The following ENTREP2 variants were observed in gnomAD, a reference collection of about 807,000 sequenced individuals.
ENTREP2 encodes endosomal transmembrane epsin interactor 2.
the ENTREP2 span, among the ~76,000 whole-genome samples, chr15:29,420,140 G>A: frequency 6.6e-6 from 1 of 152,194 alleles, no homozygotes; most frequent in Admixed American, 6.5e-5. Flanking sequence ...AAAAGATTCA[G>A]GCACGAGTCT....
chr15:29,511,460 C>G, the ENTREP2 span, among the ~76,000 whole-genome samples: 1 of 151,920 alleles, frequency 6.6e-6, no homozygotes, highest in South Asian at 2.1e-4. Flanking sequence ...TCCCAAGTAA[C>G]TGGGATTACA....
the ENTREP2 span, among the ~76,000 whole-genome samples, chr15:29,459,698 G>T: frequency 6.6e-6 from 1 of 152,166 alleles, no homozygotes; most frequent in African/African-American, 2.4e-5. Context: ...GCCTTCTCCT[G>T]TGAGCCCCAC....
the ENTREP2 span, among the ~76,000 whole-genome samples, chr15:29,489,988 G>C: frequency 3.3e-5 from 5 of 152,292 alleles, no homozygotes; most frequent in South Asian, 8.3e-4. Flanking sequence ...AAATAGCTCA[G>C]CAATAAAATT....
At chr15:29,188,487 C>G in the ENTREP2 span, among the ~76,000 whole-genome samples, 1 of 152,144 alleles carries the variant, frequency 6.6e-6, no homozygotes, top group African/African-American at 2.4e-5. Context: ...TCAACTCCCA[C>G]TTATGAGTAA....
the ENTREP2 span, among the ~76,000 whole-genome samples, chr15:29,408,428 C>CG: frequency 0.76 from 115,046 of 152,020 alleles, 44,700 homozygotes; most frequent in African/African-American, 0.93. Context: ...AAAGGAGGAA[C>CG]GCCCTGGTGG....
chr15:29,128,673 T>C, the ENTREP2 span: 7 of 808,810 alleles, frequency 8.7e-6, no homozygotes, highest in East Asian at 1.6e-4. Flanking sequence ...GAGTAAGAAA[T>C]GGAGGGAGGA....
At chr15:29,484,041 T>G in the ENTREP2 span, among the ~76,000 whole-genome samples, 1 of 152,202 alleles carries the variant, frequency 6.6e-6, no homozygotes, top group Admixed American at 6.5e-5. Context: ...CAGGTAGACA[T>G]GTGCAACCCA....
the ENTREP2 span, among the ~76,000 whole-genome samples, chr15:29,630,544 A>G: frequency 6.6e-6 from 1 of 152,150 alleles, no homozygotes; most frequent in African/African-American, 2.4e-5. Flanking sequence ...ATTTTCAGCC[A>G]TTATTTCTTC....
At chr15:29,120,843 G>A in the ENTREP2 span, 1 of 152,292 alleles carries the variant, frequency 6.6e-6, no homozygotes, top group African/African-American at 2.4e-5. Flanking sequence ...CTGGGCTCTT[G>A]CTGCTGGTAC....
the ENTREP2 span, among the ~76,000 whole-genome samples, chr15:29,599,770 T>C: frequency 2.0e-5 from 3 of 152,302 alleles, no homozygotes; most frequent in East Asian, 5.8e-4. Flanking sequence ...TTGAGTCAAC[T>C]TTTTCAAGTT....
the ENTREP2 span, among the ~76,000 whole-genome samples, chr15:29,178,627 T>G: frequency 6.6e-6 from 1 of 152,076 alleles, no homozygotes; most frequent in Non-Finnish European, 1.5e-5. Flanking sequence ...CTCACCCAAC[T>G]TCCCCTTAAG....
chr15:29,126,422 T>A, the ENTREP2 span: 1 of 1,549,732 alleles, frequency 6.5e-7, no homozygotes, highest in Non-Finnish European at 8.7e-7. Flanking sequence ...CACAGGGCCA[T>A]CGGGGGATGG....
At chr15:29,499,030 A>G in the ENTREP2 span, among the ~76,000 whole-genome samples, 1 of 152,108 alleles carries the variant, frequency 6.6e-6, no homozygotes, top group Admixed American at 6.5e-5. Flanking sequence ...CGGTTTATGT[A>G]TGTCTTTAAA....
chr15:29,542,637 C>T, the ENTREP2 span, among the ~76,000 whole-genome samples: 1 of 152,210 alleles, frequency 6.6e-6, no homozygotes, highest in Non-Finnish European at 1.5e-5. Context: ...GGTTCTACGG[C>T]ACAACGTACA....
At chr15:29,381,074 A>G in the ENTREP2 span, among the ~76,000 whole-genome samples, 25 of 150,366 alleles carry the variant, frequency 1.7e-4, 1 homozygote, top group Admixed American at 1.7e-3. Context: ...GCTGGTCTCG[A>G]GCTCCTGACT....
chr15:29,461,838 C>A, the ENTREP2 span, among the ~76,000 whole-genome samples: 3 of 152,266 alleles, frequency 2.0e-5, no homozygotes, highest in East Asian at 5.8e-4. Flanking sequence ...TGTTTGCAAC[C>A]ATCACCACCA....
the ENTREP2 span, among the ~76,000 whole-genome samples, chr15:29,347,556 T>C: frequency 1.3e-5 from 2 of 152,174 alleles, no homozygotes; most frequent in African/African-American, 2.4e-5. Context: ...TAGATACCCA[T>C]AGTCACAAAG....
the ENTREP2 span, among the ~76,000 whole-genome samples, chr15:29,211,826 A>T: frequency 5.9e-5 from 9 of 152,244 alleles, no homozygotes; most frequent in South Asian, 1.9e-3. Context: ...CTGGTATGAA[A>T]CCCACTTGGT....
chr15:29,268,726 C>T, the ENTREP2 span: 1 of 1,505,208 alleles, frequency 6.6e-7, no homozygotes, highest in Non-Finnish European at 8.9e-7. Flanking sequence ...TCCCTTCCCC[C>T]AATCCTCTAA....
Sources: allele counts gnomAD v4.1 joint callset (sites outside exome capture counted in the v4.1 genomes callset), GRCh38; gene constraint gnomAD v4.1.1; transcripts MANE v1.5; gene names NCBI Gene and HGNC (gene_info 2026-07-23, HGNC 2026-07-21).